Variants in MSRA observed in about 807,000 individuals in gnomAD.
MSRA encodes methionine sulfoxide reductase A.
MSRA carries 54 observed loss-of-function variants against 31.3 expected under a neutral mutation model. The observed-to-expected ratio is 1.73, with a 90% confidence interval of 1.39 to 2.17. The LOEUF (loss-of-function observed/expected upper bound fraction) is 2.17. Among genes scored for constraint, MSRA ranks in the 30% most tolerant of loss-of-function variants. The pLI is 0.00. For synonymous variants in MSRA, 169 were observed against 116.5 expected, an observed-to-expected ratio of 1.45 and a Z score of -2.90; for missense variants, 507 against 300.9, an observed-to-expected ratio of 1.69 and a Z score of -5.07.
At chr8:10,390,788 G>A (rs1447215223) in intron 5 of MSRA, among the ~76,000 whole-genome samples, 1 of 151,988 alleles carries the variant, frequency 6.6e-6, no homozygotes. Flanking sequence ...TGTTAAAACA[G>A]CACAAGGAAA....
chr8:10,425,740 T>A (rs1809117143), intron 5 of MSRA, among the ~76,000 whole-genome samples: 1 of 152,242 alleles, frequency 6.6e-6, no homozygotes, highest in South Asian at 2.1e-4. Context: ...CTGAGGACGA[T>A]CACACCTGTG....
At chr8:10,142,106 T>C (rs1368507687) in intron 1 of MSRA, among the ~76,000 whole-genome samples, 2 of 152,112 alleles carry the variant, frequency 1.3e-5, no homozygotes, top group African/African-American at 4.8e-5. Context: ...TTACAGGCCT[T>C]TGCCACCACG....
chr8:10,406,814 A>G (rs1222096952), intron 5 of MSRA, among the ~76,000 whole-genome samples: 1 of 152,230 alleles, frequency 6.6e-6, no homozygotes, highest in Non-Finnish European at 1.5e-5. Context: ...AACCAAGATG[A>G]GGCCCATGCT....
At chr8:10,191,694 G>A (rs969607007) in intron 1 of MSRA, among the ~76,000 whole-genome samples, 6 of 151,536 alleles carry the variant, frequency 4.0e-5, no homozygotes, top group African/African-American at 1.5e-4. Flanking sequence ...TCTAGGGGTC[G>A]ATTTGTAAAT....
intron 1 of MSRA, among the ~76,000 whole-genome samples, chr8:10,156,524 A>T (rs1032932506): frequency 6.6e-5 from 10 of 152,154 alleles, no homozygotes; most frequent in African/African-American, 9.7e-5. Context: ...ATTCAATGCT[A>T]TATCGTTTGT....
intron 5 of MSRA, among the ~76,000 whole-genome samples, chr8:10,427,806 C>T (rs1809276336): frequency 6.6e-6 from 1 of 152,188 alleles, no homozygotes; most frequent in Admixed American, 6.5e-5. Context: ...TGCTGTTTCC[C>T]CTGGGAGAGC....
chr8:10,283,832 T>TACACACACACACACACACACAC (rs1338639680), intron 3 of MSRA, among the ~76,000 whole-genome samples: 48 of 65,304 alleles, frequency 7.4e-4, no homozygotes, highest in Non-Finnish European at 1.2e-3. Flanking sequence ...TATATATATA[T>TACACACACACACACACACACAC]ATATACACAC....
intron 4 of MSRA, among the ~76,000 whole-genome samples, chr8:10,313,473 A>C (rs573860105): frequency 6.6e-6 from 1 of 152,098 alleles, no homozygotes; most frequent in Non-Finnish European, 1.5e-5. Flanking sequence ...AATCTAAAAA[A>C]AAAAAAACAA....
At chr8:10,063,704 A>G (rs1279307670) in intron 1 of MSRA, among the ~76,000 whole-genome samples, 1 of 152,166 alleles carries the variant, frequency 6.6e-6, no homozygotes, top group Non-Finnish European at 1.5e-5. Flanking sequence ...ACATGGTGAG[A>G]AGGCGCTGTC....
At chr8:10,151,261 CAAAA>C (rs34388218) in intron 1 of MSRA, among the ~76,000 whole-genome samples, 42,028 of 108,792 alleles carry the variant, frequency 0.39, 6,985 homozygotes, top group Admixed American at 0.47. Flanking sequence ...GAGTCTGTCT[CAAAA>C]AAAAAAAAAA....
At chr8:10,073,716 C>G (rs1797853149) in intron 1 of MSRA, among the ~76,000 whole-genome samples, 1 of 152,074 alleles carries the variant, frequency 6.6e-6, no homozygotes, top group African/African-American at 2.4e-5. Context: ...AGATGTAGAT[C>G]TAGTTGCCTT....
At chr8:10,087,231 T>C (rs1798608210) in intron 1 of MSRA, among the ~76,000 whole-genome samples, 1 of 152,148 alleles carries the variant, frequency 6.6e-6, no homozygotes, top group African/African-American at 2.4e-5. Flanking sequence ...CAAATACCTA[T>C]AAAATGAGTA....
At chr8:10,192,006 G>A (rs1195679414) in intron 1 of MSRA, among the ~76,000 whole-genome samples, 1 of 152,142 alleles carries the variant, frequency 6.6e-6, no homozygotes, top group Non-Finnish European at 1.5e-5. Flanking sequence ...GCTGCATTGT[G>A]TTTTCTGGGG....
intron 5 of MSRA, among the ~76,000 whole-genome samples, chr8:10,333,332 T>C (rs1802817716): frequency 6.6e-6 from 1 of 152,172 alleles, no homozygotes; most frequent in Non-Finnish European, 1.5e-5. Context: ...GTTTATAATA[T>C]ATATTAAGAA....
chr8:10,133,867 G>A (rs1323529587), intron 1 of MSRA, among the ~76,000 whole-genome samples: 1 of 152,072 alleles, frequency 6.6e-6, no homozygotes, highest in East Asian at 1.9e-4. Context: ...GTCTCGCTCT[G>A]TCGCCCAGGC....
chr8:10,141,445 T>C (rs1331959453), intron 1 of MSRA, among the ~76,000 whole-genome samples: 1 of 152,138 alleles, frequency 6.6e-6, no homozygotes. Flanking sequence ...AGACATACAT[T>C]GTCACCCACA....
Position 10,148,084 on chromosome 8 carries a change from C to T in MSRA, c.143-59749C>T, listed in dbSNP as rs551799084. On this transcript the variant is annotated intron_variant, in intron 1 of 5. Transcript: ENST00000317173. ...TGAGACCCCAGCCTGGCAAAGCGAGCACTCGGAGGCAGTGGGCAGAAAGGG... is the reference window on the plus strand; with the variant it reads ...TGAGACCCCAGCCTGGCAAAGCGAGTACTCGGAGGCAGTGGGCAGAAAGGG... 5.3e-4 allele frequency among the ~76,000 whole-genome samples: 80 copies of T among 152,192 alleles called. 1 individual carries two copies. The South Asian group carries it at 0.016, about 30-fold the overall frequency.
At chr8:10,068,689 C>T (rs1797582764) in intron 1 of MSRA, among the ~76,000 whole-genome samples, 1 of 152,164 alleles carries the variant, frequency 6.6e-6, no homozygotes, top group Non-Finnish European at 1.5e-5. Context: ...TTTTCTTTTG[C>T]TGATTGTTGA....
intron 1 of MSRA, among the ~76,000 whole-genome samples, chr8:10,191,753 A>T (rs1807528852): frequency 6.6e-6 from 1 of 151,464 alleles, no homozygotes; most frequent in Non-Finnish European, 1.5e-5. Flanking sequence ...CATTATAAAG[A>T]TGTTTTTTTT....
Sources: gnomAD v4.1 joint callset for allele counts (sites outside exome capture counted in the v4.1 genomes callset) on GRCh38, gnomAD v4.1.1 for gene constraint, MANE v1.5 for transcripts, NCBI Gene and HGNC (gene_info 2026-07-23, HGNC 2026-07-21) for gene names.